BBS9: variants seen among roughly 807,000 people sequenced by gnomAD.
BBS9 encodes the protein protein PTHB1.
Under a neutral mutation model 117.7 loss-of-function variants are expected in BBS9, and 89 were observed. The observed-to-expected ratio is 0.76, with a 90% confidence interval of 0.64 to 0.90. BBS9 has a LOEUF of 0.90. BBS9 is among the 40% of genes least tolerant of loss of function. The pLI, the probability that BBS9 is intolerant of heterozygous loss-of-function variation, is 0.00. For synonymous variants in BBS9, 379 were observed against 370.9 expected, an observed-to-expected ratio of 1.02 and a Z score of -0.25; for missense variants, 982 against 1,042.2, an observed-to-expected ratio of 0.94 and a Z score of 0.80.
chr7:33,323,147 G>T (rs1407616051), intron 9 of BBS9, among the ~76,000 whole-genome samples: 1 of 151,974 alleles, frequency 6.6e-6, no homozygotes. Context: ...CTTGTTTTGT[G>T]GCCTAACATT....
chr7:33,265,216 A>G (rs1212513205), intron 7 of BBS9, among the ~76,000 whole-genome samples: 2 of 152,220 alleles, frequency 1.3e-5, no homozygotes, highest in Non-Finnish European at 2.9e-5. Flanking sequence ...GAATACTAAC[A>G]TAACAGTATT....
intron 17 of BBS9, among the ~76,000 whole-genome samples, chr7:33,376,185 C>T (rs1823855422): frequency 1.3e-5 from 2 of 152,068 alleles, no homozygotes; most frequent in Admixed American, 1.3e-4. Flanking sequence ...CTTCCTCCCA[C>T]CCTCCACTCT....
intron 19 of BBS9, among the ~76,000 whole-genome samples, chr7:33,447,636 G>A (rs1317463660): frequency 2.6e-5 from 4 of 152,088 alleles, no homozygotes; most frequent in Non-Finnish European, 4.4e-5. Context: ...TTACTATCAG[G>A]GTGTTAAATA....
intron 19 of BBS9, among the ~76,000 whole-genome samples, chr7:33,395,233 T>C (rs1175693355): frequency 6.6e-6 from 1 of 152,208 alleles, no homozygotes; most frequent in African/African-American, 2.4e-5. Flanking sequence ...CAGAGGACTT[T>C]TTTTGGGTGT....
intron 21 of BBS9, among the ~76,000 whole-genome samples, chr7:33,537,989 C>G (rs1032076524): frequency 6.6e-6 from 1 of 152,140 alleles, no homozygotes; most frequent in South Asian, 2.1e-4. Context: ...AGATAAGTGA[C>G]GGCCCATCAG....
chr7:33,172,324 T>G (rs977142809), intron 4 of BBS9, among the ~76,000 whole-genome samples: 4 of 151,150 alleles, frequency 2.6e-5, no homozygotes, highest in Non-Finnish European at 1.5e-5. Flanking sequence ...GAGCTTGCAG[T>G]GAGCCAAGAT....
intron 21 of BBS9, among the ~76,000 whole-genome samples, chr7:33,547,777 A>C (rs565349876): frequency 6.6e-6 from 1 of 152,260 alleles, no homozygotes; most frequent in African/African-American, 2.4e-5. Context: ...CCTTGTTTTG[A>C]AACATTATTG....
intron 19 of BBS9, among the ~76,000 whole-genome samples, chr7:33,502,199 G>T (rs1225816579): frequency 2.6e-5 from 4 of 152,098 alleles, no homozygotes; most frequent in Admixed American, 6.6e-5. Context: ...TGAGTCACAC[G>T]CCCAGCCTTC....
chr7:33,469,953 T>A (rs1840741257), intron 19 of BBS9, among the ~76,000 whole-genome samples: 1 of 152,320 alleles, frequency 6.6e-6, no homozygotes, highest in East Asian at 1.9e-4. Context: ...TATGAGCACA[T>A]TTAAGTTTTC....
intron 4 of BBS9, among the ~76,000 whole-genome samples, chr7:33,173,571 TAA>T (rs3083580): frequency 5.6e-4 from 67 of 120,210 alleles, no homozygotes; most frequent in South Asian, 5.2e-4. Context: ...GACTCCATCC[TAA>T]AAAAAAAAAA....
intron 21 of BBS9, among the ~76,000 whole-genome samples, chr7:33,623,215 T>C (rs1865490864): frequency 6.6e-6 from 1 of 152,042 alleles, no homozygotes. Flanking sequence ...GAAAGCAACA[T>C]CTTAATATGA....
chr7:33,273,278 A>G (rs1343006771), intron 8 of BBS9, 83 bp downstream of exon 8: 16 of 1,338,396 alleles, frequency 1.2e-5, no homozygotes, highest in Admixed American at 3.6e-5. Flanking sequence ...TCATACACAT[A>G]TTGTAAACAT....
chr7:33,429,388 T>C (rs990545791), intron 19 of BBS9, among the ~76,000 whole-genome samples: 1 of 152,214 alleles, frequency 6.6e-6, no homozygotes, highest in Admixed American at 6.5e-5. Flanking sequence ...TTGCTCCTTT[T>C]TCAAACTTTT....
chr7:33,175,323 A>AG (rs1193367420), intron 4 of BBS9, among the ~76,000 whole-genome samples: 2 of 151,764 alleles, frequency 1.3e-5, no homozygotes, highest in Non-Finnish European at 1.5e-5. Context: ...TAAAAAAAAA[A>AG]ACAACAAAAC....
At chr7:33,361,289 T>G (rs1016530099) in intron 16 of BBS9, among the ~76,000 whole-genome samples, 2 of 152,226 alleles carry the variant, frequency 1.3e-5, no homozygotes, top group Non-Finnish European at 2.9e-5. Flanking sequence ...ACAGATAAAA[T>G]GTCATTTGAT....
chr7:33,415,338 T>TG (rs1831819746), intron 19 of BBS9, among the ~76,000 whole-genome samples: 1 of 152,158 alleles, frequency 6.6e-6, no homozygotes, highest in African/African-American at 2.4e-5. Context: ...TTGGAAAGCA[T>TG]GTATAAGAGA....
chr7:33,466,151 G>T (rs1840131107), intron 19 of BBS9, among the ~76,000 whole-genome samples: 1 of 151,944 alleles, frequency 6.6e-6, no homozygotes, highest in African/African-American at 2.4e-5. Flanking sequence ...AGATTTTTTT[G>T]TGTGTAGTGG....
At chr7:33,180,860 A>T (rs1181492708) in intron 5 of BBS9, among the ~76,000 whole-genome samples, 1 of 152,088 alleles carries the variant, frequency 6.6e-6, no homozygotes, top group African/African-American at 2.4e-5. Flanking sequence ...AAATAAACCC[A>T]GGCTAGCAAC....
intron 19 of BBS9, among the ~76,000 whole-genome samples, chr7:33,393,418 C>A (rs1036556407): frequency 6.6e-6 from 1 of 152,114 alleles, no homozygotes; most frequent in Non-Finnish European, 1.5e-5. Flanking sequence ...GTTTAATGCT[C>A]TATAGTAGCC....
Sources: gnomAD v4.1 joint callset for allele counts (sites outside exome capture counted in the v4.1 genomes callset) on GRCh38, gnomAD v4.1.1 for gene constraint, MANE v1.5 for transcripts, NCBI Gene and HGNC (gene_info 2026-07-23, HGNC 2026-07-21) for gene names.